Variants in ARHGEF38 observed in about 807,000 individuals in gnomAD.
ARHGEF38 encodes the protein Rho guanine nucleotide exchange factor 38.
A neutral mutation model predicts 79.9 loss-of-function variants in ARHGEF38; 79 were observed. The observed-to-expected ratio is 0.99, with a 90% CI of 0.82 to 1.19. ARHGEF38 has a LOEUF of 1.19. Among genes scored for constraint, ARHGEF38 ranks in the 50% most tolerant of loss-of-function variants. ARHGEF38 has a pLI of 0.00. For synonymous variants in ARHGEF38, 366 were observed against 328.3 expected, an observed-to-expected ratio of 1.11 and a Z score of -1.24; for missense variants, 962 against 907.2, an observed-to-expected ratio of 1.06 and a Z score of -0.78.
intron 2 of ARHGEF38, among the ~76,000 whole-genome samples, chr4:105,600,074 T>A (rs1029765219): frequency 6.6e-6 from 1 of 152,184 alleles, no homozygotes; most frequent in Non-Finnish European, 1.5e-5. Flanking sequence ...TAGTTGAATA[T>A]GCAAATTAAA....
chr4:105,609,673 G>A (rs920232854), intron 2 of ARHGEF38, among the ~76,000 whole-genome samples: 5 of 151,906 alleles, frequency 3.3e-5, no homozygotes, highest in African/African-American at 7.3e-5. Context: ...AATGAACAAC[G>A]CTGGAGGCAT....
intron 3 of ARHGEF38, among the ~76,000 whole-genome samples, chr4:105,623,237 G>A (rs752857004): frequency 2.0e-5 from 3 of 152,190 alleles, no homozygotes; most frequent in Non-Finnish European, 2.9e-5. Flanking sequence ...AATAGTAAGC[G>A]TGCAGTGCAT....
At position 105,552,897 on chromosome 4, in the gene ARHGEF38, G is replaced by A; in HGVS notation, c.132G>A (p.Gly44=). The A allele has an allele frequency of 6.2e-7, 1 of 1,613,830 alleles. No homozygotes were observed. Among genetic ancestry groups the A allele is most frequent in the Non-Finnish European group, 8.5e-7 (1 of 1,179,858 alleles). ...TDTVVESSVS[G]DHSGTLRRSQ... ...CTGTGGTTGAGAGCAGTGTTTCTGGGGACCACTCTGGCACCTTGAGGAGGA... is the reference window on the plus strand; with the variant it reads ...CTGTGGTTGAGAGCAGTGTTTCTGGAGACCACTCTGGCACCTTGAGGAGGA... The change falls in exon 1 of 14, where the codon GGG becomes GGA. Residue 44 remains glycine, a synonymous_variant. Coordinates refer to ENST00000420470, the MANE Select transcript of ARHGEF38 (RefSeq NM_001242729.2).
At chr4:105,670,863 T>G (rs1438699024) in intron 13 of ARHGEF38, among the ~76,000 whole-genome samples, 1 of 152,214 alleles carries the variant, frequency 6.6e-6, no homozygotes, top group Non-Finnish European at 1.5e-5. Context: ...TGTTGAGTTC[T>G]TGTTCTTACT....
intron 3 of ARHGEF38, among the ~76,000 whole-genome samples, chr4:105,614,211 A>G (rs371558690): frequency 6.6e-6 from 1 of 152,174 alleles, no homozygotes; most frequent in African/African-American, 2.4e-5. Flanking sequence ...GACATCATAC[A>G]GTGTCATGTA....
chr4:105,592,627 C>A (rs1166061617), intron 2 of ARHGEF38, among the ~76,000 whole-genome samples: 1 of 152,164 alleles, frequency 6.6e-6, no homozygotes, highest in Admixed American at 6.5e-5. Flanking sequence ...TTTACCTGTG[C>A]AGCAGAATTA....
At chr4:105,653,985 G>A (rs1730218516) in intron 7 of ARHGEF38, 80 bp from the exon 8 acceptor site, 3 of 714,052 alleles carry the variant, frequency 4.2e-6, no homozygotes, top group Non-Finnish European at 4.3e-6. Context: ...TTTGTAATGT[G>A]CTGGACCAAT....
At chr4:105,659,960 T>C (rs1391756672) in intron 10 of ARHGEF38, among the ~76,000 whole-genome samples, 3 of 152,040 alleles carry the variant, frequency 2.0e-5, no homozygotes, top group Admixed American at 6.6e-5. Flanking sequence ...TTACAACTTA[T>C]ATCAACTTTT....
At chr4:105,561,400 T>TAGAATAGAATAGAATAGAATGGAATGG (rs59437354) in intron 1 of ARHGEF38, among the ~76,000 whole-genome samples, 1 of 30,160 alleles carries the variant, frequency 3.3e-5, no homozygotes, top group Non-Finnish European at 6.7e-5. Context: ...TAGAGTAGAA[T>TAGAATAGAATAGAATAGAATGGAATGG]AATAGAATAG....
At position 105,621,934 on chromosome 4, in the gene ARHGEF38, G is replaced by A. The variant is rs548809513; in HGVS notation, c.508+8427G>A. Among the ~76,000 whole-genome samples, 7 of 152,220 alleles carry A rather than the reference G, an allele frequency of 4.6e-5. No homozygotes were observed. The South Asian group carries it at 8.3e-4, about 18-fold the overall frequency. ...GTTAGAAGTAATAGGAAAGCTGTCC[G>A]CTTTGGAGAAAATGACAATGGGGAA... On this transcript the variant is annotated intron_variant, in intron 3 of 13. Coordinates refer to ENST00000420470, the MANE Select transcript of ARHGEF38 (RefSeq NM_001242729.2).
At chr4:105,654,769 C>T (rs146759861) in intron 8 of ARHGEF38, among the ~76,000 whole-genome samples, 1 of 152,086 alleles carries the variant, frequency 6.6e-6, no homozygotes, top group Non-Finnish European at 1.5e-5. Context: ...TTTTTCTAAT[C>T]GATCTCATAA....
At chr4:105,673,424 T>A (rs1731019363) in intron 13 of ARHGEF38, among the ~76,000 whole-genome samples, 1 of 152,192 alleles carries the variant, frequency 6.6e-6, no homozygotes, top group African/African-American at 2.4e-5. Context: ...GAAAATATAA[T>A]TTTTGACTTC....
At chr4:105,597,214 T>G (rs1481270786) in intron 2 of ARHGEF38, among the ~76,000 whole-genome samples, 1 of 152,196 alleles carries the variant, frequency 6.6e-6, no homozygotes, top group Non-Finnish European at 1.5e-5. Flanking sequence ...ATAGCCAGTT[T>G]TCCTAGATAG....
At chr4:105,613,358 C>T in intron 2 of ARHGEF38, 26 bp from the exon 3 acceptor site, 1 of 1,606,182 alleles carries the variant, frequency 6.2e-7, no homozygotes, top group Non-Finnish European at 8.5e-7. Context: ...GCTTCTCCAT[C>T]AGCTCAATGT....
At position 105,613,389 on chromosome 4, in the gene ARHGEF38, T is replaced by C; in HGVS notation, c.390T>C (p.Asp130=). Residue 130 remains aspartate (D), a synonymous_variant, in exon 3 of 14, where the codon GAT becomes GAC. Transcript: ENST00000420470. ...AATGTTTTTTGTTTCTTCAGACTGA[T>C]AGGCTGGATGTGGATAGCTTGTTTA... ...VVQPLRNKKT[D]RLDVDSLFSN... The C allele has an allele frequency of 6.2e-7, 1 of 1,612,586 alleles. No individual in the cohort carries two copies. The highest frequency in any genetic ancestry group is 8.5e-7 in the Non-Finnish European group (1 of 1,179,064).
chr4:105,613,645 A>C, intron 3 of ARHGEF38, 138 bp downstream of exon 3: 4 of 886,588 alleles, frequency 4.5e-6, no homozygotes, highest in Non-Finnish European at 6.6e-6. Flanking sequence ...CTTTGGGCTC[A>C]TTGTGATTAT....
intron 2 of ARHGEF38, among the ~76,000 whole-genome samples, chr4:105,611,105 T>A (rs554792054): frequency 6.6e-6 from 1 of 152,146 alleles, no homozygotes; most frequent in Non-Finnish European, 1.5e-5. Context: ...AGATGGTTCA[T>A]CCTTTACAAA....
intron 3 of ARHGEF38, among the ~76,000 whole-genome samples, chr4:105,621,079 C>A (rs1394733664): frequency 6.6e-6 from 1 of 152,176 alleles, no homozygotes. Context: ...GGCCAGCCTC[C>A]CAGCTGTTCC....
intron 5 of ARHGEF38, among the ~76,000 whole-genome samples, chr4:105,638,689 T>C (rs1347719888): frequency 2.0e-5 from 3 of 151,610 alleles, no homozygotes; most frequent in African/African-American, 4.9e-5. Flanking sequence ...ATACATTGAC[T>C]AAAATAGGAA....
Sources: gnomAD v4.1 joint callset for allele counts (sites outside exome capture counted in the v4.1 genomes callset) on GRCh38, gnomAD v4.1.1 for gene constraint, MANE v1.5 for transcripts, NCBI Gene and HGNC (gene_info 2026-07-23, HGNC 2026-07-21) for gene names.